Variants in CDK14 observed in about 807,000 individuals in gnomAD.
CDK14 encodes the protein cyclin dependent kinase 14.
In CDK14, 34 loss-of-function variants were observed where a neutral mutation model predicts 60.7. The observed-to-expected ratio is 0.56, with a 90% CI of 0.43 to 0.75. The LOEUF (loss-of-function observed/expected upper bound fraction) is 0.75, where lower values mean the gene tolerates loss of function less well. CDK14 is among the 30% of genes least tolerant of loss of function. The probability of loss-of-function intolerance (pLI) is 0.00; values close to 1 mark genes in which losing one functional copy is unlikely to be tolerated. For missense variants in CDK14, 482 were observed against 564.1 expected (o/e 0.85, Z 1.47); for synonymous variants, 197 against 203.7 (o/e 0.97, Z 0.28).
In CDK14 at chr7:90,726,779, A is replaced by T; in HGVS notation, c.336A>T (p.Ser112=). 1 of 1,613,680 alleles carries T rather than the reference A, an allele frequency of 6.2e-7. No homozygotes were observed. Among genetic ancestry groups the T allele is most frequent in the Non-Finnish European group, 8.5e-7 (1 of 1,179,778 alleles). ...AGACCTCCTCCACTGGCAAAGAGTC[A>T]CCTAAAGTTAGGCGGCACTCCAGCC... ...NFKTSSTGKE[S]PKVRRHSSPS... The change falls in exon 3 of 15, where the codon TCA becomes TCT. Residue 112 remains serine, a synonymous_variant. Coordinates refer to ENST00000380050, the MANE Select transcript of CDK14 (RefSeq NM_001287135.2).
At chr7:90,918,852 C>T (rs535928960) in intron 8 of CDK14, among the ~76,000 whole-genome samples, 1 of 152,190 alleles carries the variant, frequency 6.6e-6, no homozygotes, top group East Asian at 1.9e-4. Flanking sequence ...TTTATAAATT[C>T]TTTTATTCGA....
chr7:90,887,097 G>A (rs1791969137), intron 6 of CDK14, among the ~76,000 whole-genome samples: 1 of 151,930 alleles, frequency 6.6e-6, no homozygotes, highest in Admixed American at 6.6e-5. Flanking sequence ...TATATATGAG[G>A]GATTTTGTTT....
At chr7:90,701,234 G>A (rs1801779779) in intron 2 of CDK14, among the ~76,000 whole-genome samples, 1 of 152,076 alleles carries the variant, frequency 6.6e-6, no homozygotes, top group South Asian at 2.1e-4. Context: ...ATTTGTAGGT[G>A]GTATCTATAA....
chr7:90,660,917 A>G (rs184362510), intron 2 of CDK14, among the ~76,000 whole-genome samples: 2 of 152,298 alleles, frequency 1.3e-5, no homozygotes, highest in East Asian at 3.9e-4. Context: ...TCAGGAGGGA[A>G]TGGTCTTGTT....
rs532261760 is a variant in CDK14, at chr7:90,964,394, T to A, written c.947+8577T>A. On this transcript the variant is annotated intron_variant, in intron 9 of 14. Coordinates refer to ENST00000380050, the MANE Select transcript of CDK14 (RefSeq NM_001287135.2). ...TGGAAAACCTAGGTCAGCTTCCCTCTGCCACTTCTTAGCTGGGTGACTTTA... is the reference window on the plus strand; with the variant it reads ...TGGAAAACCTAGGTCAGCTTCCCTCAGCCACTTCTTAGCTGGGTGACTTTA... 2.4e-4 allele frequency among the ~76,000 whole-genome samples: 36 copies of A among 152,342 alleles called. No homozygotes were observed. In the East Asian group the frequency reaches 6.0e-3, roughly 25 times the overall value.
intron 14 of CDK14, among the ~76,000 whole-genome samples, chr7:91,144,927 A>C (rs1249545927): frequency 6.6e-6 from 1 of 152,208 alleles, no homozygotes; most frequent in Non-Finnish European, 1.5e-5. Flanking sequence ...TAGGGACATA[A>C]GGGCAGAGAA....
intron 2 of CDK14, among the ~76,000 whole-genome samples, chr7:90,702,602 G>GTTTTTTTTTTTTTTT (rs1584803689): frequency 6.6e-6 from 1 of 151,758 alleles, no homozygotes; most frequent in African/African-American, 2.4e-5. Context: ...TTTAATTTCA[G>GTTTTTTTTTTTTTTT]TTTTTAATGT....
chr7:90,858,893 A>G (rs1790915571), intron 5 of CDK14, among the ~76,000 whole-genome samples: 1 of 152,254 alleles, frequency 6.6e-6, no homozygotes, highest in African/African-American at 2.4e-5. Flanking sequence ...GTAAATTATT[A>G]GAATTAACAA....
intron 4 of CDK14, among the ~76,000 whole-genome samples, chr7:90,784,297 G>A (rs760077987): frequency 4.6e-5 from 7 of 152,114 alleles, no homozygotes; most frequent in South Asian, 2.1e-4. Flanking sequence ...ATAAAGAGGG[G>A]TTGATTAATA....
chr7:90,654,952 C>T (rs758983244), intron 2 of CDK14, among the ~76,000 whole-genome samples: 1 of 152,138 alleles, frequency 6.6e-6, no homozygotes, highest in Non-Finnish European at 1.5e-5. Flanking sequence ...TTTCAGTACC[C>T]TAAAAAATTC....
intron 11 of CDK14, among the ~76,000 whole-genome samples, chr7:91,070,127 T>G (rs1454675947): frequency 6.6e-6 from 1 of 152,210 alleles, no homozygotes; most frequent in Non-Finnish European, 1.5e-5. Context: ...TGTTTTATTT[T>G]AAACTGGTCT....
chr7:90,613,346 G>T (rs1311952403), intron 2 of CDK14, among the ~76,000 whole-genome samples: 5 of 152,204 alleles, frequency 3.3e-5, no homozygotes, highest in Admixed American at 6.5e-5. Context: ...GGAAGTCTCT[G>T]CTGTAAGGGT....
intron 8 of CDK14, among the ~76,000 whole-genome samples, chr7:90,950,633 C>T (rs543552460): frequency 8.5e-5 from 13 of 152,246 alleles, no homozygotes; most frequent in East Asian, 7.7e-4. Flanking sequence ...CAGCTGGAGA[C>T]GCTAGAGGAT....
chr7:90,611,913 A>G (rs565685597), intron 2 of CDK14, among the ~76,000 whole-genome samples: 2 of 150,148 alleles, frequency 1.3e-5, no homozygotes, highest in South Asian at 2.1e-4. Flanking sequence ...GCTCACTGCA[A>G]CCTCCACCTC....
chr7:90,845,226 T>C (rs1052969291), intron 5 of CDK14, among the ~76,000 whole-genome samples: 2 of 152,180 alleles, frequency 1.3e-5, no homozygotes, highest in African/African-American at 4.8e-5. Context: ...TCTTAACTCA[T>C]TACATAAGCG....
chr7:91,188,208 G>A (rs1802250664), intron 14 of CDK14, among the ~76,000 whole-genome samples: 1 of 151,880 alleles, frequency 6.6e-6, no homozygotes, highest in South Asian at 2.1e-4. Flanking sequence ...AAAGAACTTT[G>A]ATTTCTTGTG....
chr7:90,774,165 G>A (rs12535656), intron 4 of CDK14, among the ~76,000 whole-genome samples: 31,161 of 151,774 alleles, frequency 0.21, 3,338 homozygotes, highest in South Asian at 0.24. Context: ...TGGCCTCCCA[G>A]AGTGCTGAGA....
chr7:90,725,938 C>A (rs1802618167), intron 2 of CDK14, among the ~76,000 whole-genome samples: 2 of 152,036 alleles, frequency 1.3e-5, no homozygotes, highest in Non-Finnish European at 2.9e-5. Flanking sequence ...TGGTGTTTTT[C>A]TTTTACAATG....
chr7:90,910,187 G>A (rs986491735), intron 7 of CDK14, among the ~76,000 whole-genome samples: 4 of 152,046 alleles, frequency 2.6e-5, no homozygotes, highest in South Asian at 4.1e-4. Flanking sequence ...CTGTATAACC[G>A]TCTAAGTATT....
Sources: gnomAD v4.1 joint callset for allele counts (sites outside exome capture counted in the v4.1 genomes callset) on GRCh38, gnomAD v4.1.1 for gene constraint, MANE v1.5 for transcripts, NCBI Gene and HGNC (gene_info 2026-07-23, HGNC 2026-07-21) for gene names.